RGSL1: variants seen among roughly 807,000 people sequenced by gnomAD.
The protein encoded by RGSL1 is regulator of G protein signaling protein-like.
In RGSL1, 97 loss-of-function variants were observed where a neutral mutation model predicts 124.7. The ratio of observed to expected loss-of-function variants is 0.78; its 90% confidence interval spans 0.66 to 0.92. The LOEUF (loss-of-function observed/expected upper bound fraction) is 0.92. RGSL1 is among the 40% of genes least tolerant of loss of function. RGSL1 has a pLI of 0.00. For synonymous variants in RGSL1, 424 were observed against 438.1 expected (o/e 0.97, Z 0.40); for missense variants, 1,233 against 1,288.4 (o/e 0.96, Z 0.66).
chr1:182,452,809 G>C (rs1440700085), intron 1 of RGSL1, among the ~76,000 whole-genome samples: 1 of 152,102 alleles, frequency 6.6e-6, no homozygotes, highest in Non-Finnish European at 1.5e-5. Flanking sequence ...GTGTCATCAG[G>C]AAAAATGATT....
intron 9 of RGSL1, among the ~76,000 whole-genome samples, chr1:182,503,771 T>C (rs1656580833): frequency 6.6e-6 from 1 of 152,166 alleles, no homozygotes; most frequent in South Asian, 2.1e-4. Context: ...GGATTGTTTG[T>C]AACACAAAGG....
At chr1:182,470,516 CCT>C (rs1457644246) in intron 4 of RGSL1, among the ~76,000 whole-genome samples, 2 of 152,140 alleles carry the variant, frequency 1.3e-5, no homozygotes, top group Non-Finnish European at 2.9e-5. Flanking sequence ...CACATGGCTC[CCT>C]CTCTCACCTC....
Position 182,467,837 on chromosome 1 carries a change from G to A in RGSL1, c.302-4559G>A, listed in dbSNP as rs564120474. Among the ~76,000 whole-genome samples, 69 of 152,106 alleles carry A rather than the reference G, an allele frequency of 4.5e-4. 2 individuals carry two copies. The highest frequency in any genetic ancestry group is 3.4e-3 in the Middle Eastern group (1 of 292). Reference sequence around the variant, plus strand: ...CCATCAGAGTGAACAGGCAACCTACGGAATGGAAGAAAATTTTTGCAATCT... The same window carrying A: ...CCATCAGAGTGAACAGGCAACCTACAGAATGGAAGAAAATTTTTGCAATCT... On this transcript the variant is annotated intron_variant, in intron 4 of 21. Coordinates refer to ENST00000294854, the MANE Select transcript of RGSL1 (RefSeq NM_001137669.2).
In RGSL1 at chr1:182,483,518, G is replaced by C. The variant is rs115300818; in HGVS notation, c.1432-4767G>C. Among the ~76,000 whole-genome samples the C allele has an allele frequency of 1.9e-3, 293 of 151,994 alleles. 2 individuals carry two copies. Among genetic ancestry groups the C allele is most frequent in the African/African-American group, 6.7e-3 (279 of 41,456 alleles). On this transcript the variant is annotated intron_variant, in intron 6 of 21. Transcript: ENST00000294854. ...AAATTCTCATAATGTATATGAATAC[G>C]TGTGTGCATATAATGTACATCTATG... is the stretch of plus-strand genomic sequence containing the variant.
chr1:182,476,982 C>T (rs183375803), intron 6 of RGSL1, among the ~76,000 whole-genome samples: 46 of 152,246 alleles, frequency 3.0e-4, no homozygotes, highest in Admixed American at 1.5e-3. Flanking sequence ...TATTTTTGTC[C>T]GTAGCACATA....
intron 6 of RGSL1, among the ~76,000 whole-genome samples, chr1:182,476,837 C>T (rs1450007939): frequency 6.6e-6 from 1 of 152,160 alleles, no homozygotes; most frequent in Non-Finnish European, 1.5e-5. Flanking sequence ...ACGCTGCCAG[C>T]TTGGCTGTGC....
intron 10 of RGSL1, among the ~76,000 whole-genome samples, chr1:182,524,512 A>T (rs955506646): frequency 3.3e-5 from 5 of 152,232 alleles, no homozygotes; most frequent in Non-Finnish European, 7.3e-5. Flanking sequence ...AAAACTGGGA[A>T]AACCAGTCAA....
chr1:182,548,932 A>AG, intron 17 of RGSL1, 108 bp downstream of exon 17: 1 of 1,356,364 alleles, frequency 7.4e-7, no homozygotes, highest in Non-Finnish European at 9.9e-7. Context: ...TCCAGTTTCT[A>AG]GGGGGAACTA....
chr1:182,485,003 G>A (rs941187241), intron 6 of RGSL1, among the ~76,000 whole-genome samples: 1 of 152,130 alleles, frequency 6.6e-6, no homozygotes. Flanking sequence ...TAGTCTTGCA[G>A]GCCACAGGAG....
chr1:182,519,920 A>G (rs1484505206), intron 9 of RGSL1, among the ~76,000 whole-genome samples: 4 of 152,072 alleles, frequency 2.6e-5, no homozygotes, highest in African/African-American at 7.2e-5. Context: ...TTTTCTTATA[A>G]TATTGTCTAT....
chr1:182,542,305 T>C (rs1228159068), intron 15 of RGSL1, among the ~76,000 whole-genome samples: 1 of 152,190 alleles, frequency 6.6e-6, no homozygotes, highest in Non-Finnish European at 1.5e-5. Context: ...CCTATCACCA[T>C]TTATTGAAGA....
rs1655251086 is a variant in RGSL1 at position 182,488,349 on chromosome 1, T to C, written c.1494+2T>C. ...GACTACTGGTTTCTCCTTTTTACGG[T>C]AGGAAGGACTTTGGGTTAGGAAGGA... On this transcript the variant is annotated splice_donor_variant, in intron 7 of 21. Coordinates refer to ENST00000294854, the MANE Select transcript of RGSL1 (RefSeq NM_001137669.2). LOFTEE classifies it high-confidence loss of function. The C allele has an allele frequency of 1.3e-6, 2 of 1,551,860 alleles. No homozygotes were observed. Among genetic ancestry groups the C allele is most frequent in the African/African-American group, 1.4e-5 (1 of 73,010 alleles).
intron 15 of RGSL1, 70 bp downstream of exon 15, chr1:182,540,491 C>T (rs1659827524): frequency 1.4e-6 from 2 of 1,387,914 alleles, no homozygotes; most frequent in East Asian, 5.0e-5. Context: ...CCAGCAGAAA[C>T]TGGCTTGATC....
chr1:182,558,216 A>G lies in RGSL1; in HGVS notation c.*165+1994A>G, dbSNP rs892199719. On this transcript the variant is annotated intron_variant, in intron 21 of 21. Transcript: ENST00000294854. ...TTTAATATTTTTCTTTGCCCTTGAAATTAGATTTGGGTCTTGGGTCTAGTT... is the reference window on the plus strand; with the variant it reads ...TTTAATATTTTTCTTTGCCCTTGAAGTTAGATTTGGGTCTTGGGTCTAGTT... 2.6e-5 allele frequency among the ~76,000 whole-genome samples: 4 copies of G among 152,276 alleles called. No individual in the cohort carries two copies. The South Asian group carries it at 8.3e-4, about 32-fold the overall frequency.
rs1237570701 is a variant in RGSL1 at position 182,554,697 on chromosome 1, G to A, written c.3197+4G>A. The A allele has an allele frequency of 1.9e-6, 3 of 1,551,634 alleles. No individual in the cohort carries two copies. Among genetic ancestry groups the A allele is most frequent in the Non-Finnish European group, 8.7e-7 (1 of 1,146,956 alleles). On this transcript the variant is annotated splice_donor_region_variant and intron_variant, in intron 20 of 21. Transcript: ENST00000294854. ...TGCAGCTGCATCCCGTCCAGGGGTAGGCATGAGCTGGAAATCCTCTTCTTC... is the reference window on the plus strand; with the variant it reads ...TGCAGCTGCATCCCGTCCAGGGGTAAGCATGAGCTGGAAATCCTCTTCTTC...
At chr1:182,452,368 A>C (rs1651913246) in intron 1 of RGSL1, among the ~76,000 whole-genome samples, 1 of 152,158 alleles carries the variant, frequency 6.6e-6, no homozygotes. Flanking sequence ...CACACATAGC[A>C]CTTGACAGCA....
intron 1 of RGSL1, among the ~76,000 whole-genome samples, chr1:182,451,082 T>G (rs567269592): frequency 5.2e-4 from 77 of 148,768 alleles, no homozygotes; most frequent in African/African-American, 1.8e-3. Flanking sequence ...GGAGGCAGAG[T>G]CTGCAGTGAG....
At chr1:182,544,315 G>A (rs570844187) in intron 15 of RGSL1, among the ~76,000 whole-genome samples, 7 of 152,042 alleles carry the variant, frequency 4.6e-5, no homozygotes, top group African/African-American at 1.7e-4. Context: ...CAGTTTCCAA[G>A]GTTCTGCTTG....
chr1:182,457,208 G>A (rs139083881), intron 2 of RGSL1, among the ~76,000 whole-genome samples: 1 of 152,214 alleles, frequency 6.6e-6, no homozygotes, highest in Non-Finnish European at 1.5e-5. Flanking sequence ...GTGAATCTAG[G>A]GCGGTTCTAG....
Sources: gnomAD v4.1 joint callset for allele counts (sites outside exome capture counted in the v4.1 genomes callset) on GRCh38, gnomAD v4.1.1 for gene constraint, MANE v1.5 for transcripts, NCBI Gene and HGNC (gene_info 2026-07-23, HGNC 2026-07-21) for gene names.